Variants in MYO7A observed in about 807,000 individuals in gnomAD.
The protein encoded by MYO7A is unconventional myosin-VIIa.
MYO7A carries 210 observed loss-of-function variants against 263.8 expected under a neutral mutation model. That is an observed-to-expected ratio of 0.80 (90% confidence interval 0.71 to 0.89). The LOEUF (loss-of-function observed/expected upper bound fraction) is 0.89, where lower values mean the gene tolerates loss of function less well. MYO7A is among the 40% of genes least tolerant of loss of function. The probability of loss-of-function intolerance (pLI) is 0.00; values close to 1 mark genes in which losing one functional copy is unlikely to be tolerated. For missense variants in MYO7A, 2,820 were observed against 2,968.3 expected (o/e 0.95, Z 1.16); for synonymous variants, 1,239 against 1,197.3 (o/e 1.03, Z -0.72).
At chr11:77,137,150 G>C (rs1950934387) in intron 2 of MYO7A, among the ~76,000 whole-genome samples, 1 of 152,172 alleles carries the variant, frequency 6.6e-6, no homozygotes, top group Non-Finnish European at 1.5e-5. Context: ...ACTGGGGGAA[G>C]GACCTCTCCT....
chr11:77,174,040 C>A (rs1323810879), intron 16 of MYO7A, among the ~76,000 whole-genome samples: 1 of 151,990 alleles, frequency 6.6e-6, no homozygotes, highest in Non-Finnish European at 1.5e-5. Flanking sequence ...CCTCCCCTGG[C>A]CCCCAGTGAC....
intron 2 of MYO7A, among the ~76,000 whole-genome samples, chr11:77,134,648 A>G (rs1207348517): frequency 1.3e-5 from 2 of 151,384 alleles, no homozygotes; most frequent in Admixed American, 1.3e-4. Flanking sequence ...TGACTTTTCT[A>G]TTTATCTATG....
At chr11:77,166,268 T>C in intron 15 of MYO7A, 106 bp downstream of exon 15, 1 of 953,338 alleles carries the variant, frequency 1.0e-6, no homozygotes, top group Non-Finnish European at 1.7e-6. Context: ...CCTGGCCACA[T>C]AATGGGTATG....
rs1555085024 is a variant in MYO7A, at chr11:77,182,076, G to A, written c.3030G>A (p.Gln1010=). 6.2e-7 allele frequency: 1 copy of A among 1,613,272 alleles called. No individual in the cohort carries two copies. The highest frequency in any genetic ancestry group is 8.5e-7 in the Non-Finnish European group (1 of 1,179,716). Residue 1010 remains glutamine (Q), a synonymous_variant, in exon 24 of 49, where the codon CAG becomes CAA. Transcript: ENST00000409709. The stretch of plus-strand genomic sequence containing the variant: ...CCAAGTTCGCGGCCACCTACTTCCA[G>A]GGGACAACCACGCACTCCTACACCC... The part of the protein sequence containing the change: ...KFAKFAATYF[Q]GTTTHSYTRR...
At chr11:77,188,071 G>A (rs3781695) in intron 27 of MYO7A, among the ~76,000 whole-genome samples, 94,640 of 152,074 alleles carry the variant, frequency 0.62, 30,675 homozygotes, top group African/African-American at 0.8. Context: ...ACACTTCTAG[G>A]AAACACGGTG....
intron 44 of MYO7A, among the ~76,000 whole-genome samples, chr11:77,210,415 G>A (rs558457704): frequency 1.3e-5 from 2 of 152,232 alleles, no homozygotes; most frequent in South Asian, 4.1e-4. Flanking sequence ...TGGATGGGTG[G>A]GTAGATGGAT....
intron 4 of MYO7A, 47 bp downstream of exon 4, chr11:77,147,997 G>A (rs1370912248): frequency 6.3e-6 from 8 of 1,270,510 alleles, no homozygotes; most frequent in African/African-American, 1.7e-5. Flanking sequence ...CTCAGGCCCC[G>A]CCCCGCCCAC....
In MYO7A at chr11:77,202,969, G is replaced by A. The variant is rs1257011698; in HGVS notation, c.5169-91G>A. 36 of 1,462,810 alleles carry A rather than the reference G, an allele frequency of 2.5e-5. 1 individual carries two copies. The Admixed American group carries it at 7.1e-4, about 29-fold the overall frequency. 90.6% of individuals were successfully genotyped at this position (1,462,810 alleles called of 1,614,324 possible). ...CCCACTCTCAGCCTCTGGACACAGG[G>A]ATGGGTGGGGGTGGGGGTCTCACAA... On this transcript the variant is annotated intron_variant, in intron 37 of 48. Transcript: ENST00000409709.
At chr11:77,184,791 A>G (rs782693850) in intron 27 of MYO7A, 76 bp downstream of exon 27, 1 of 1,565,332 alleles carries the variant, frequency 6.4e-7, no homozygotes, top group South Asian at 1.2e-5. Context: ...CAACCTAGCA[A>G]GAGATTAAGC....
chr11:77,140,168 C>T (rs942463028), intron 2 of MYO7A, among the ~76,000 whole-genome samples: 1 of 152,190 alleles, frequency 6.6e-6, no homozygotes, highest in Non-Finnish European at 1.5e-5. Context: ...CCAGGGGAAA[C>T]AAACATTTTC....
chr11:77,173,415 G>A (rs1555077868), intron 16 of MYO7A, among the ~76,000 whole-genome samples: 1 of 152,210 alleles, frequency 6.6e-6, no homozygotes, highest in Admixed American at 6.5e-5. Context: ...AATAACATTT[G>A]TTGGGCCCTT....
intron 12 of MYO7A, among the ~76,000 whole-genome samples, chr11:77,161,499 G>A (rs757631417): frequency 2.6e-5 from 4 of 152,222 alleles, no homozygotes; most frequent in African/African-American, 9.6e-5. Context: ...CCTTTTAGGG[G>A]CCGTGTGAGG....
chr11:77,139,211 T>G (rs1555049205), intron 2 of MYO7A, among the ~76,000 whole-genome samples: 2 of 152,224 alleles, frequency 1.3e-5, no homozygotes, highest in Non-Finnish European at 2.9e-5. Flanking sequence ...GAGCTGGGAC[T>G]ATAAGCCAGA....
rs1303017897 is a variant in MYO7A at position 77,182,670 on chromosome 11, C to T, written c.3285+70C>T. 17 of 1,523,522 alleles carry T rather than the reference C, an allele frequency of 1.1e-5. No individual in the cohort carries two copies. The East Asian group carries it at 3.2e-4, about 29-fold the overall frequency. The allele number at this position is 1,523,522 out of a possible 1,614,324, so 94.4% of individuals were successfully genotyped here. ...AAGGAGGGCCGCTGGCATCACCAGC[C>T]TTGGGCTCCTCTGCAGAAAAAGGAT... is the stretch of plus-strand genomic sequence containing the variant. On this transcript the variant is annotated intron_variant, in intron 25 of 48. Coordinates refer to ENST00000409709, the MANE Select transcript of MYO7A (RefSeq NM_000260.4).
Position 77,206,159 on chromosome 11 carries a change from C to T in MYO7A, c.5699C>T (p.Thr1900Ile). Reference protein sequence around the residue: ...VEVEAIQHKTTQIFHKVYFPD... With the variant: ...VEVEAIQHKTIQIFHKVYFPD... ...GTGGAGGCCATCCAGCACAAGACCA[C>T]CCAGATTTTCCACAAAGTCTACTTC... is the stretch of plus-strand genomic sequence containing the variant. The change falls in exon 41 of 49, where the codon ACC becomes ATC. Residue 1900 changes from threonine to isoleucine, a missense_variant. By Grantham distance (89) the Thr-to-Ile change is moderately conservative. Coordinates refer to ENST00000409709, the MANE Select transcript of MYO7A (RefSeq NM_000260.4). The T allele has an allele frequency of 6.2e-7, 1 of 1,613,528 alleles. No homozygotes were observed. Among genetic ancestry groups the T allele is most frequent in the Non-Finnish European group, 8.5e-7 (1 of 1,179,736 alleles).
chr11:77,158,191 G>A (rs1555065328), intron 8 of MYO7A, 86 bp from the exon 9 acceptor site: 1 of 1,418,952 alleles, frequency 7.0e-7, no homozygotes, highest in African/African-American at 1.4e-5. Context: ...AGGCAGAAAG[G>A]GCCTTTTGGG....
intron 15 of MYO7A, among the ~76,000 whole-genome samples, chr11:77,171,065 G>C (rs936378726): frequency 1.3e-5 from 2 of 152,250 alleles, no homozygotes; most frequent in Non-Finnish European, 2.9e-5. Context: ...CAGCAATAAA[G>C]AGGCAGACGC....
intron 3 of MYO7A, among the ~76,000 whole-genome samples, chr11:77,144,049 C>A (rs1440008860): frequency 3.9e-5 from 6 of 152,130 alleles, no homozygotes; most frequent in Non-Finnish European, 1.5e-5. Context: ...ATAGAGGGAC[C>A]ACACAGCCAG....
In MYO7A at chr11:77,198,498, C is replaced by T. The variant is rs1264130915; in HGVS notation, c.4445C>T (p.Pro1482Leu). Residue 1482 changes from proline (P) to leucine (L), a missense_variant, in exon 34 of 49, where the codon CCC (proline) becomes CTC (leucine). Transcript: ENST00000409709. Reference protein sequence around the residue: ...RFYEAYKFSGPSLPKNDVIVA... With the variant: ...RFYEAYKFSGLSLPKNDVIVA... ...CAGTGCCTTGGTCTCGTCCCAGGCC[C>T]CAGTCTCCCCAAGAACGACGTCATC... The T allele has an allele frequency of 3.1e-6, 5 of 1,613,558 alleles. No homozygotes were observed. The highest frequency in any genetic ancestry group is 1.7e-5 in the Admixed American group (1 of 60,006).
Sources: allele counts gnomAD v4.1 joint callset (sites outside exome capture counted in the v4.1 genomes callset), GRCh38; gene constraint gnomAD v4.1.1; transcripts MANE v1.5; gene names NCBI Gene and HGNC (gene_info 2026-07-23, HGNC 2026-07-21).